Variants in TSHZ3 observed in about 807,000 individuals in gnomAD.
TSHZ3 encodes teashirt zinc finger homeobox 3, also known as teashirt homolog 3.
Under a neutral mutation model 64.5 loss-of-function variants are expected in TSHZ3, and 10 were observed. The ratio of observed to expected loss-of-function variants is 0.16; its 90% CI spans 0.10 to 0.26. The LOEUF (loss-of-function observed/expected upper bound fraction) is 0.26. Among genes scored for constraint, TSHZ3 ranks in the 10% least tolerant of loss-of-function variants. The probability of loss-of-function intolerance (pLI) is 1.00; values close to 1 mark genes in which losing one functional copy is unlikely to be tolerated. For missense variants in TSHZ3, 1,242 were observed against 1,421.7 expected, an observed-to-expected ratio of 0.87 and a Z score of 2.03; for synonymous variants, 608 against 593.1, an observed-to-expected ratio of 1.03 and a Z score of -0.36.
intron 5 of TSHZ3, among the ~76,000 whole-genome samples, chr19:31,184,701 T>C (rs1974775379): frequency 6.6e-6 from 1 of 152,222 alleles, no homozygotes; most frequent in African/African-American, 2.4e-5. Flanking sequence ...AGAGTTTTGC[T>C]ATTTTCCTGA....
chr19:31,323,181 A>G (rs1916824301), intron 1 of TSHZ3, among the ~76,000 whole-genome samples: 1 of 152,242 alleles, frequency 6.6e-6, no homozygotes, highest in South Asian at 2.1e-4. Context: ...GTGGAAGTCC[A>G]TACAGCCAGA....
At chr19:31,177,086 A>G (rs1042096822) in intron 5 of TSHZ3, among the ~76,000 whole-genome samples, 2 of 152,154 alleles carry the variant, frequency 1.3e-5, no homozygotes, top group African/African-American at 4.8e-5. Context: ...GCTGTGAGCA[A>G]AAAGAGAATA....
chr19:31,205,181 G>A (rs1166163996), intron 4 of TSHZ3, among the ~76,000 whole-genome samples: 1 of 152,112 alleles, frequency 6.6e-6, no homozygotes, highest in Non-Finnish European at 1.5e-5. Context: ...CAGTCCCTGA[G>A]CAGCCACCCT....
Position 31,291,309 on chromosome 19 carries a change from C to G in TSHZ3, c.41-11557G>C, listed in dbSNP as rs578179855. 5.3e-5 allele frequency among the ~76,000 whole-genome samples: 8 copies of G among 152,326 alleles called. No homozygotes were observed. The South Asian group carries it at 1.7e-3, about 32-fold the overall frequency. On this transcript the variant is annotated intron_variant, in intron 1 of 1. Coordinates refer to ENST00000240587, the MANE Select transcript of TSHZ3 (RefSeq NM_020856.4). The stretch of plus-strand genomic sequence containing the variant: ...TCCCAAAACTGAGTTAAGAAAGACA[C>G]TGCCTGAAGCTTCTTTCTTTGAATT...
chr19:31,229,718 G>C (rs1421470412), intron 3 of TSHZ3, among the ~76,000 whole-genome samples: 5 of 152,028 alleles, frequency 3.3e-5, no homozygotes, highest in African/African-American at 7.2e-5. Flanking sequence ...TGTAACAAAG[G>C]GTTTACATTC....
intron 1 of TSHZ3, among the ~76,000 whole-genome samples, chr19:31,318,679 CTATTA>C (rs1286299271): frequency 6.6e-6 from 1 of 152,096 alleles, no homozygotes; most frequent in Non-Finnish European, 1.5e-5. Flanking sequence ...AAAATGTCTC[CTATTA>C]TTTTTATCCT....
chr19:31,340,729 G>A (rs1917408949), intron 1 of TSHZ3, among the ~76,000 whole-genome samples: 1 of 152,216 alleles, frequency 6.6e-6, no homozygotes, highest in Non-Finnish European at 1.5e-5. Context: ...GGGGGCTGCA[G>A]GTTTGCAGCC....
chr19:31,165,160 C>T (rs1974430155), intron 5 of TSHZ3, among the ~76,000 whole-genome samples: 1 of 152,232 alleles, frequency 6.6e-6, no homozygotes, highest in Non-Finnish European at 1.5e-5. Flanking sequence ...CTGCCCCGGT[C>T]ACCGCTTAGC....
intron 3 of TSHZ3, among the ~76,000 whole-genome samples, chr19:31,238,239 A>G (rs920071570): frequency 6.6e-6 from 1 of 150,436 alleles, no homozygotes; most frequent in African/African-American, 2.4e-5. Flanking sequence ...TATTTCTGTT[A>G]ATGTTTCCTT....
intron 1 of TSHZ3, among the ~76,000 whole-genome samples, chr19:31,260,303 G>C (rs891187046): frequency 6.6e-6 from 1 of 152,200 alleles, no homozygotes; most frequent in Non-Finnish European, 1.5e-5. Flanking sequence ...TCTATGTCTG[G>C]TCATCTCTTG....
intron 6 of TSHZ3, among the ~76,000 whole-genome samples, chr19:31,153,695 G>A (rs961254494): frequency 2.0e-5 from 3 of 152,124 alleles, no homozygotes; most frequent in African/African-American, 7.2e-5. Flanking sequence ...ATGGTAATGC[G>A]GGCCTAAAAC....
At chr19:31,199,400 C>CAAAAAAAAA (rs61428496) in intron 5 of TSHZ3, among the ~76,000 whole-genome samples, 1 of 98,594 alleles carries the variant, frequency 1.0e-5, no homozygotes, top group African/African-American at 3.9e-5. Context: ...GAGACTCCGC[C>CAAAAAAAAA]AAAAAAAAAA....
intron 5 of TSHZ3, among the ~76,000 whole-genome samples, chr19:31,173,318 C>G: frequency 6.6e-6 from 1 of 152,210 alleles, no homozygotes; most frequent in East Asian, 1.9e-4. Flanking sequence ...TTAATTAATG[C>G]AAAGTAGTTT....
At chr19:31,317,376 G>A (rs1331372457) in intron 1 of TSHZ3, among the ~76,000 whole-genome samples, 1 of 152,186 alleles carries the variant, frequency 6.6e-6, no homozygotes, top group African/African-American at 2.4e-5. Flanking sequence ...GCTGAACAGT[G>A]CAGGCTCTTG....
intron 1 of TSHZ3, among the ~76,000 whole-genome samples, chr19:31,289,696 G>A (rs545502039): frequency 5.9e-5 from 9 of 152,172 alleles, no homozygotes; most frequent in Admixed American, 3.3e-4. Context: ...TGGCTGGGGC[G>A]GCACCTCAGA....
chr19:31,236,357 T>C (rs1975615002), intron 3 of TSHZ3, among the ~76,000 whole-genome samples: 2 of 152,170 alleles, frequency 1.3e-5, no homozygotes, highest in African/African-American at 2.4e-5. Flanking sequence ...TGATATCTCA[T>C]TGTGGTTTTA....
Position 31,279,460 on chromosome 19 carries a change from C to T in TSHZ3, c.333G>A (p.Val111=). Reference sequence around the variant, plus strand: ...CCTTCATCTGCTCCAGGCTATCCGACACAGTCGTGTCTTCCAGTGGGACCG... The same window carrying T: ...CCTTCATCTGCTCCAGGCTATCCGATACAGTCGTGTCTTCCAGTGGGACCG... ...EVTVPLEDTT[V]SDSLEQMKAV... Residue 111 remains valine, a synonymous_variant, in exon 2 of 2, where the codon GTG becomes GTA. Coordinates refer to ENST00000240587, the MANE Select transcript of TSHZ3 (RefSeq NM_020856.4). This position sits in a 1 kb window ranked among gnomAD's most constrained non-coding sequence, Gnocchi z 6.4. The T allele has an allele frequency of 1.9e-6, 3 of 1,614,226 alleles. No homozygotes were observed. The highest frequency in any genetic ancestry group is 2.5e-6 in the Non-Finnish European group (3 of 1,180,050).
intron 1 of TSHZ3, among the ~76,000 whole-genome samples, chr19:31,343,982 T>A (rs1033385975): frequency 4.6e-5 from 7 of 152,210 alleles, no homozygotes; most frequent in Admixed American, 3.9e-4. Context: ...TGTCATCTTA[T>A]CTTATTATAT....
At chr19:31,165,015 G>A (rs762390842) in intron 5 of TSHZ3, among the ~76,000 whole-genome samples, 3 of 152,206 alleles carry the variant, frequency 2.0e-5, no homozygotes, top group Non-Finnish European at 4.4e-5. Flanking sequence ...AGCCCGTCCC[G>A]GGGATGATGC....
Sources: gnomAD v4.1 joint callset for allele counts (sites outside exome capture counted in the v4.1 genomes callset) on GRCh38, gnomAD v4.1.1 for gene constraint, Gnocchi (gnomAD v3.1) non-coding constraint, MANE v1.5 for transcripts, NCBI Gene and HGNC (gene_info 2026-07-23, HGNC 2026-07-21) for gene names.